The following DCDC1 variants were observed in gnomAD, a reference collection of about 807,000 sequenced individuals.
DCDC1 encodes the protein doublecortin domain containing 1.
A neutral mutation model predicts 178.3 loss-of-function variants in DCDC1; 200 were observed. That is an observed-to-expected ratio of 1.12 (90% CI 1.00 to 1.26). The LOEUF is 1.26. DCDC1 is among the 50% of genes most tolerant of loss of function. DCDC1 has a pLI of 0.00. For missense variants in DCDC1, 1,983 were observed against 1,749.2 expected (o/e 1.13, Z -2.38); for synonymous variants, 690 against 604.8 (o/e 1.14, Z -2.07).
At chr11:30,915,213 G>T (rs1384486698) in intron 27 of DCDC1, among the ~76,000 whole-genome samples, 1 of 152,138 alleles carries the variant, frequency 6.6e-6, no homozygotes, top group Non-Finnish European at 1.5e-5. Context: ...TCATAAAAAT[G>T]ACATTGATGC....
chr11:31,185,765 G>C (rs1332828296), intron 9 of DCDC1, among the ~76,000 whole-genome samples: 4 of 152,312 alleles, frequency 2.6e-5, no homozygotes, highest in South Asian at 2.1e-4. Flanking sequence ...CTGAAGGCTA[G>C]AGTTGCCATG....
chr11:30,882,730 GA>G (rs1261459575), intron 36 of DCDC1: 1 of 151,924 alleles, frequency 6.6e-6, no homozygotes, highest in Non-Finnish European at 1.5e-5. Context: ...AATATAAATA[GA>G]AAAATCAACA....
At chr11:31,313,072 A>T (rs1948862417) in intron 3 of DCDC1, among the ~76,000 whole-genome samples, 1 of 152,070 alleles carries the variant, frequency 6.6e-6, no homozygotes, top group Admixed American at 6.5e-5. Context: ...AAAATATTAA[A>T]ACCTACTGGT....
chr11:30,927,613 CT>C (rs1324073879), intron 22 of DCDC1, among the ~76,000 whole-genome samples: 1 of 152,116 alleles, frequency 6.6e-6, no homozygotes, highest in Admixed American at 6.6e-5. Context: ...ATCCAGTGGT[CT>C]TTCCAATATT....
At chr11:31,211,558 T>C (rs1369370653) in intron 9 of DCDC1, among the ~76,000 whole-genome samples, 1 of 152,186 alleles carries the variant, frequency 6.6e-6, no homozygotes, top group Non-Finnish European at 1.5e-5. Context: ...ATGAGTTAAT[T>C]ACTTACAGAC....
intron 6 of DCDC1, among the ~76,000 whole-genome samples, chr11:31,301,689 G>GA (rs1948126617): frequency 2.0e-5 from 3 of 152,140 alleles, no homozygotes; most frequent in Admixed American, 2.0e-4. Flanking sequence ...TGTCTTGTGT[G>GA]TCGTGGAATT....
At chr11:31,101,383 T>G (rs1335666866) in intron 15 of DCDC1, among the ~76,000 whole-genome samples, 1 of 152,038 alleles carries the variant, frequency 6.6e-6, no homozygotes, top group African/African-American at 2.4e-5. Flanking sequence ...AAAAACATCT[T>G]CTTTACTGGA....
At chr11:30,869,565 T>C (rs1363647247) in intron 38 of DCDC1, among the ~76,000 whole-genome samples, 1 of 152,164 alleles carries the variant, frequency 6.6e-6, no homozygotes, top group African/African-American at 2.4e-5. Flanking sequence ...AGAAAGGGCA[T>C]GTCCACAGTG....
chr11:30,991,928 C>G (rs1241815456), intron 20 of DCDC1, among the ~76,000 whole-genome samples: 1 of 152,118 alleles, frequency 6.6e-6, no homozygotes, highest in Non-Finnish European at 1.5e-5. Context: ...GAAAGAATAT[C>G]ATATACTTCA....
chr11:30,900,572 C>G lies in DCDC1; in HGVS notation c.4511-74G>C, dbSNP rs1944587436. 3.5e-5 allele frequency: 45 copies of G among 1,273,980 alleles called. No individual in the cohort carries two copies. In the South Asian group the frequency reaches 1.1e-3, roughly 31 times the overall value. The allele number at this position is 1,273,980 out of a possible 1,614,324, so 78.9% of individuals were successfully genotyped here. A position where few individuals can be genotyped will look rare whatever the true frequency, so the allele number is the denominator to read the frequency against. ...AATTTGTTTTCTGAATTTGTTTATT[C>G]AAAATATTTTATTATTCATTAATAA... On this transcript the variant is annotated intron_variant, in intron 32 of 38. Coordinates refer to ENST00000684477, the MANE Select transcript of DCDC1 (RefSeq NM_001387274.1).
At chr11:31,114,264 T>C (rs1959509896) in intron 11 of DCDC1, among the ~76,000 whole-genome samples, 1 of 152,072 alleles carries the variant, frequency 6.6e-6, no homozygotes, top group Non-Finnish European at 1.5e-5. Context: ...AGAGAAGAAA[T>C]TGAAGTGGAA....
At chr11:31,049,822 G>A (rs958797434) in intron 20 of DCDC1, among the ~76,000 whole-genome samples, 1 of 152,202 alleles carries the variant, frequency 6.6e-6, no homozygotes, top group East Asian at 1.9e-4. Context: ...GTGAAATACA[G>A]GGGTACAGGA....
At chr11:31,326,385 G>A (rs1949648128) in intron 3 of DCDC1, among the ~76,000 whole-genome samples, 1 of 151,754 alleles carries the variant, frequency 6.6e-6, no homozygotes, top group Non-Finnish European at 1.5e-5. Flanking sequence ...AAAAAATAAA[G>A]TAGCTAAAAA....
intron 3 of DCDC1, among the ~76,000 whole-genome samples, chr11:31,315,905 G>A (rs1354557728): frequency 8.9e-6 from 1 of 112,782 alleles, no homozygotes; most frequent in African/African-American, 4.1e-5. Flanking sequence ...AATATGCGGT[G>A]TTTGGTTTTT....
chr11:31,369,515 G>C (rs944253045), intron 1 of DCDC1, among the ~76,000 whole-genome samples, 182 bp downstream of exon 1: 1 of 152,128 alleles, frequency 6.6e-6, no homozygotes, highest in African/African-American at 2.4e-5. Context: ...AGCACCAACC[G>C]AAAAGATTGA....
At chr11:30,880,014 C>T (rs1942504537) in intron 37 of DCDC1, among the ~76,000 whole-genome samples, 1 of 152,102 alleles carries the variant, frequency 6.6e-6, no homozygotes, top group African/African-American at 2.4e-5. Flanking sequence ...GTAATTATTT[C>T]ACGTGTGTTC....
At chr11:31,358,489 AAGAAAACCT>A in intron 1 of DCDC1, among the ~76,000 whole-genome samples, 1 of 151,602 alleles carries the variant, frequency 6.6e-6, no homozygotes, top group Admixed American at 6.6e-5. Context: ...AAAACCCTAG[AAGAAAACCT>A]AGGCATTACC....
In DCDC1 at chr11:30,946,390, A is replaced by T. The variant is rs912548619; in HGVS notation, c.2715+6055T>A. On this transcript the variant is annotated intron_variant, in intron 21 of 38. Transcript: ENST00000684477. The stretch of plus-strand genomic sequence containing the variant: ...CATGCTTGGCCCCATGTGGGCCCTC[A>T]AACCCTGAGTTTCAAACATATTAAT... Among the ~76,000 whole-genome samples the T allele has an allele frequency of 2.6e-5, 4 of 152,266 alleles. No individual in the cohort carries two copies. In the Middle Eastern group the frequency reaches 0.01, roughly 388 times the overall value.
rs555824873 is a variant in DCDC1 at position 31,306,502 on chromosome 11, T to C, written c.435-114A>G. ...ATAAGCACTAAAGATTGTTCCTATG[T>C]ATATAAGTATACCTAACAAAACTTT... On this transcript the variant is annotated intron_variant, in intron 4 of 38. Coordinates refer to ENST00000684477, the MANE Select transcript of DCDC1 (RefSeq NM_001387274.1). The C allele has an allele frequency of 3.6e-6, 4 of 1,111,404 alleles. No homozygotes were observed. The African/African-American group carries it at 6.5e-5, about 18-fold the overall frequency. 68.8% of individuals were successfully genotyped at this position (1,111,404 alleles called of 1,614,324 possible).
Sources: allele counts gnomAD v4.1 joint callset (sites outside exome capture counted in the v4.1 genomes callset), GRCh38; gene constraint gnomAD v4.1.1; transcripts MANE v1.5; gene names NCBI Gene and HGNC (gene_info 2026-07-23, HGNC 2026-07-21).